The following UBXN11 variants were observed in gnomAD, a reference collection of about 807,000 sequenced individuals.
The protein encoded by UBXN11 is UBX domain protein 11.
A neutral mutation model predicts 62.8 loss-of-function variants in UBXN11; 47 were observed. That is an observed-to-expected ratio of 0.75 (90% CI 0.59 to 0.95). The LOEUF (loss-of-function observed/expected upper bound fraction) is 0.95. UBXN11 is among the 40% of genes least tolerant of loss of function. The probability of loss-of-function intolerance (pLI) is 0.00; values close to 1 mark genes in which losing one functional copy is unlikely to be tolerated. For missense variants in UBXN11, 638 were observed against 661.7 expected, an observed-to-expected ratio of 0.96 and a Z score of 0.39; for synonymous variants, 294 against 267.0, an observed-to-expected ratio of 1.10 and a Z score of -0.99.
At chr1:26,291,584 C>T (rs147997962) in intron 8 of UBXN11, among the ~76,000 whole-genome samples, 81 of 152,292 alleles carry the variant, frequency 5.3e-4, no homozygotes, top group African/African-American at 1.9e-3. Context: ...AAGGAGGTCC[C>T]CCCTGGCCAG....
chr1:26,311,589 C>T (rs1337882747), upstream of UBXN11, among the ~76,000 whole-genome samples: 2 of 151,494 alleles, frequency 1.3e-5, no homozygotes, highest in East Asian at 1.9e-4. Flanking sequence ...ATTACAGGCA[C>T]GTGCCACCAT....
rs374575669 is a variant in UBXN11 at position 26,298,161 on chromosome 1, G to C, written c.200-99C>G. On this transcript the variant is annotated intron_variant, in intron 4 of 14. Coordinates refer to ENST00000374222, the MANE Select transcript of UBXN11 (RefSeq NM_001389556.1). Reference sequence around the variant, plus strand: ...AGGGGTCCCAGGAATGGAAATGAAGGTACTGAGAGCAGCTCCCACTGGCAT... The same window carrying C: ...AGGGGTCCCAGGAATGGAAATGAAGCTACTGAGAGCAGCTCCCACTGGCAT... 32 of 1,258,000 alleles carry C rather than the reference G, an allele frequency of 2.5e-5. No homozygotes were observed. In the African/African-American group the frequency reaches 3.6e-4, roughly 14 times the overall value. The allele number at this position is 1,258,000 out of a possible 1,614,324, so 77.9% of individuals were successfully genotyped here.
intron 1 of UBXN11, among the ~76,000 whole-genome samples, chr1:26,315,083 G>A (rs922131356): frequency 6.6e-6 from 1 of 151,654 alleles, no homozygotes; most frequent in Non-Finnish European, 1.5e-5. Flanking sequence ...AACCTGACTC[G>A]AGGGGAAAAA....
intron 8 of UBXN11, among the ~76,000 whole-genome samples, chr1:26,292,306 C>T (rs911568635): frequency 2.0e-5 from 3 of 151,240 alleles, no homozygotes; most frequent in Admixed American, 2.0e-4. Flanking sequence ...TCACTGGCAT[C>T]CAGGAGTTCA....
exon 1 of UBXN11, chr1:26,318,290 C>G (rs973007852): frequency 6.9e-5 from 38 of 552,222 alleles, no homozygotes; most frequent in Non-Finnish European, 1.1e-4. Context: ...CTGAGAGAAA[C>G]CTGTATCCAC....
chr1:26,285,460 T>C lies in UBXN11; in HGVS notation c.852+4A>G. ...AAGGTGTGGTTTGAGGAGCAGCTTATCACCTTAAAGGGGACCCCATTGGGG... is the reference window on the plus strand; with the variant it reads ...AAGGTGTGGTTTGAGGAGCAGCTTACCACCTTAAAGGGGACCCCATTGGGG... On this transcript the variant is annotated splice_donor_region_variant and intron_variant, in intron 10 of 14. Transcript: ENST00000374222. 1 of 1,611,920 alleles carries C rather than the reference T, an allele frequency of 6.2e-7. No homozygotes were observed. Among genetic ancestry groups the C allele is most frequent in the African/African-American group, 1.3e-5 (1 of 74,994 alleles).
intron 8 of UBXN11, 64 bp downstream of exon 8, chr1:26,294,141 G>A (rs1312504876): frequency 9.4e-6 from 15 of 1,592,406 alleles, no homozygotes; most frequent in Admixed American, 3.4e-5. Flanking sequence ...GGGAGCTGCC[G>A]GCCAACAGCA....
At chr1:26,310,239 A>G (rs1013609021), upstream of UBXN11, among the ~76,000 whole-genome samples, 6 of 151,976 alleles carry the variant, frequency 3.9e-5, no homozygotes, top group Non-Finnish European at 7.4e-5. Flanking sequence ...TGTCTCTACT[A>G]AAAAATACAA....
intron 1 of UBXN11, among the ~76,000 whole-genome samples, chr1:26,316,513 A>G (rs2073796751): frequency 1.3e-5 from 2 of 151,920 alleles, no homozygotes; most frequent in Admixed American, 1.3e-4. Context: ...GCAGGGAATC[A>G]AGACTTAATG....
At chr1:26,312,979 C>CAAAAAAAAAAAAAAAAA (rs55777309) in intron 1 of UBXN11, among the ~76,000 whole-genome samples, 1 of 48,152 alleles carries the variant, frequency 2.1e-5, no homozygotes, top group African/African-American at 9.2e-5. Flanking sequence ...AACTCTGTCT[C>CAAAAAAAAAAAAAAAAA]AAAAAAAAAA....
rs542843187 is a variant in UBXN11, at chr1:26,298,891, G to A, written c.200-829C>T. 4.0e-5 allele frequency among the ~76,000 whole-genome samples: 6 copies of A among 151,670 alleles called. No individual in the cohort carries two copies. In the South Asian group the frequency reaches 8.3e-4, roughly 21 times the overall value. ...AGACAGTGTCCTTTCTATGTATGAA[G>A]CAGGAACCGCGGCCATCATCCTACA... is the stretch of plus-strand genomic sequence containing the variant. On this transcript the variant is annotated intron_variant, in intron 4 of 14. Coordinates refer to ENST00000374222, the MANE Select transcript of UBXN11 (RefSeq NM_001389556.1).
At position 26,282,356 on chromosome 1, in the gene UBXN11, ACT is replaced by A. The variant is rs771583323; in HGVS notation, c.1504_1505del (p.Pro503ArgfsTer?). On this transcript the variant is annotated frameshift_variant, in exon 15 of 15. Coordinates refer to ENST00000374222, the MANE Select transcript of UBXN11 (RefSeq NM_001389556.1). LOFTEE classifies it low-confidence loss of function (END_TRUNC). ...GACTGGGGCCGGGACCGGGACCGGG[ACT>A]GGGGCCGGGACCGGGACCGGGACTG... ...GPSPGPGPGP[S>X]PGPGPGPSPC... is the part of the protein sequence containing the mutation. 4.0e-4 allele frequency: 144 copies of A among 360,382 alleles called. 4 individuals are homozygous for A. In the African/African-American group the frequency reaches 6.4e-3, roughly 16 times the overall value. The allele number at this position is 360,382 out of a possible 1,614,324, so 22.3% of individuals were successfully genotyped here.
At chr1:26,298,095 C>T (rs1474021474) in intron 4 of UBXN11, 33 bp from the exon 5 acceptor site, 1 of 1,600,144 alleles carries the variant, frequency 6.2e-7, no homozygotes, top group Non-Finnish European at 8.5e-7. Flanking sequence ...AGAGCCCAGA[C>T]CTAGAGCCGA....
chr1:26,283,344 A>T (rs1570075984), intron 12 of UBXN11, among the ~76,000 whole-genome samples: 1 of 152,320 alleles, frequency 6.6e-6, no homozygotes, highest in African/African-American at 2.4e-5. Context: ...GGGTTCAGGG[A>T]AAGCTTCCTA....
chr1:26,301,515 G>C (rs1244976656), intron 3 of UBXN11, among the ~76,000 whole-genome samples, 179 bp downstream of exon 3: 1 of 152,180 alleles, frequency 6.6e-6, no homozygotes, highest in Non-Finnish European at 1.5e-5. Flanking sequence ...TAATCTGAGA[G>C]CTTCCAGGAG....
chr1:26,297,522 C>G, intron 5 of UBXN11, 41 bp from the exon 6 acceptor site: 1 of 1,510,982 alleles, frequency 6.6e-7, no homozygotes, highest in South Asian at 1.3e-5. Flanking sequence ...GCCTGTGGTT[C>G]CCAGAGCCCT....
In UBXN11 at chr1:26,287,527, A is replaced by T. The variant is rs569431937; in HGVS notation, c.560-1490T>A. Reference sequence around the variant, plus strand: ...ACACACCAATAACTTTTGGGGCCTCAGAGAGGCTGTTTTTCAACAGGACAA... The same window carrying T: ...ACACACCAATAACTTTTGGGGCCTCTGAGAGGCTGTTTTTCAACAGGACAA... On this transcript the variant is annotated intron_variant, in intron 8 of 14. Transcript: ENST00000374222. Among the ~76,000 whole-genome samples, 7 of 152,094 alleles carry T rather than the reference A, an allele frequency of 4.6e-5. No individual in the cohort carries two copies. In the South Asian group the frequency reaches 1.5e-3, roughly 32 times the overall value.
At position 26,289,268 on chromosome 1, in the gene UBXN11, G is replaced by A. The variant is rs1011661786; in HGVS notation, c.560-3231C>T. On this transcript the variant is annotated intron_variant, in intron 8 of 14. Transcript: ENST00000374222. Reference sequence around the variant, plus strand: ...GGCTGCTGTGAGGCTTGGAGGAAGCGTTTGGCAGATGGTGGCTGTTGTTGT... The same window carrying A: ...GGCTGCTGTGAGGCTTGGAGGAAGCATTTGGCAGATGGTGGCTGTTGTTGT... Among the ~76,000 whole-genome samples the A allele has an allele frequency of 4.6e-5, 7 of 152,122 alleles. No homozygotes were observed. The South Asian group carries it at 1.0e-3, about 23-fold the overall frequency.
chr1:26,304,658 C>A (rs980147390), intron 1 of UBXN11, among the ~76,000 whole-genome samples: 1 of 152,112 alleles, frequency 6.6e-6, no homozygotes, highest in Non-Finnish European at 1.5e-5. Context: ...GAGGCCGAGG[C>A]AGAAGAATTG....
Sources: allele counts gnomAD v4.1 joint callset (sites outside exome capture counted in the v4.1 genomes callset), GRCh38; gene constraint gnomAD v4.1.1; transcripts MANE v1.5; gene names NCBI Gene and HGNC (gene_info 2026-07-23, HGNC 2026-07-21).